CACNA2D1: variants seen among roughly 807,000 people sequenced by gnomAD.
CACNA2D1 encodes calcium voltage-gated channel auxiliary subunit alpha2delta 1.
Under a neutral mutation model 171.5 loss-of-function variants are expected in CACNA2D1, and 53 were observed. That is an observed-to-expected ratio of 0.31 (90% confidence interval 0.25 to 0.39). The LOEUF (loss-of-function observed/expected upper bound fraction) is 0.39. Among genes scored for constraint, CACNA2D1 ranks in the 10% least tolerant of loss-of-function variants. The probability of loss-of-function intolerance (pLI) is 1.00; values close to 1 mark genes in which losing one functional copy is unlikely to be tolerated. For synonymous variants in CACNA2D1, 442 were observed against 443.1 expected (o/e 1.00, Z 0.03); for missense variants, 903 against 1,299.8 (o/e 0.69, Z 4.69).
chr7:82,210,610 A>AG (rs1457209844), intron 3 of CACNA2D1, among the ~76,000 whole-genome samples: 2 of 152,206 alleles, frequency 1.3e-5, no homozygotes, highest in African/African-American at 4.8e-5. Context: ...GGAGACAACC[A>AG]GACTCCTTCA....
chr7:82,297,195 G>A (rs774129253), intron 3 of CACNA2D1, among the ~76,000 whole-genome samples: 6 of 151,904 alleles, frequency 3.9e-5, no homozygotes, highest in African/African-American at 7.3e-5. Flanking sequence ...AGGCTGCAGT[G>A]AGCAAGGTCG....
chr7:82,008,793 A>G (rs73149902), intron 15 of CACNA2D1, among the ~76,000 whole-genome samples: 5,106 of 152,204 alleles, frequency 0.034, 155 homozygotes, highest in Non-Finnish European at 0.048. Flanking sequence ...AATATTTATT[A>G]ATATCAGGGA....
intron 10 of CACNA2D1, among the ~76,000 whole-genome samples, chr7:82,060,177 T>TAA: frequency 1.2e-4 from 2 of 16,056 alleles, no homozygotes; most frequent in African/African-American, 3.4e-4. Flanking sequence ...TATATATATA[T>TAA]AATATATATA....
At chr7:82,426,138 TATAA>T (rs56342398) in intron 1 of CACNA2D1, among the ~76,000 whole-genome samples, 39,505 of 128,760 alleles carry the variant, frequency 0.31, 6,121 homozygotes, top group South Asian at 0.42. Context: ...TTCAAAAATA[TATAA>T]ATAAATAAAT....
At chr7:82,357,142 G>A (rs1265175489) in intron 1 of CACNA2D1, among the ~76,000 whole-genome samples, 2 of 152,026 alleles carry the variant, frequency 1.3e-5, no homozygotes, top group African/African-American at 4.8e-5. Context: ...TTTTCATTAA[G>A]CATGAGAGAA....
chr7:82,407,971 A>ATAAAATATATTC (rs1827232735), intron 1 of CACNA2D1, among the ~76,000 whole-genome samples: 1 of 151,990 alleles, frequency 6.6e-6, no homozygotes, highest in African/African-American at 2.4e-5. Context: ...TTCCATCAGA[A>ATAAAATATATTC]TAAAATATAT....
At chr7:82,126,154 GATT>G (rs1333925119) in intron 5 of CACNA2D1, among the ~76,000 whole-genome samples, 2 of 152,140 alleles carry the variant, frequency 1.3e-5, no homozygotes, top group East Asian at 3.8e-4. Flanking sequence ...AAAGCAGAGA[GATT>G]ATGTGATCTT....
chr7:82,349,468 C>A, intron 2 of CACNA2D1, 100 bp downstream of exon 2: 1 of 958,022 alleles, frequency 1.0e-6, no homozygotes, highest in Non-Finnish European at 1.7e-6. Flanking sequence ...CATGAGAAAT[C>A]ATATCCCATT....
At chr7:82,287,237 A>G (rs1331122948) in intron 3 of CACNA2D1, among the ~76,000 whole-genome samples, 1 of 150,130 alleles carries the variant, frequency 6.7e-6, no homozygotes, top group Non-Finnish European at 1.5e-5. Context: ...AATCTAGCTT[A>G]GACTTTTGGC....
intron 3 of CACNA2D1, among the ~76,000 whole-genome samples, chr7:82,324,832 C>A (rs1037714813): frequency 1.3e-5 from 2 of 152,100 alleles, no homozygotes; most frequent in Non-Finnish European, 2.9e-5. Flanking sequence ...TTTATATCAA[C>A]CTAAACCCCT....
intron 24 of CACNA2D1, among the ~76,000 whole-genome samples, chr7:81,976,697 A>T (rs1356860639): frequency 6.6e-6 from 1 of 152,124 alleles, no homozygotes; most frequent in Admixed American, 6.5e-5. Flanking sequence ...TACTAAAAAT[A>T]CAAAAAATTA....
intron 3 of CACNA2D1, among the ~76,000 whole-genome samples, chr7:82,327,550 A>C (rs1036375341): frequency 1.3e-5 from 2 of 152,230 alleles, no homozygotes; most frequent in African/African-American, 4.8e-5. Context: ...AGTCTGGAAT[A>C]AAAATCAAAT....
At position 82,174,501 on chromosome 7, in the gene CACNA2D1, A is replaced by G. The variant is rs113962625; in HGVS notation, c.295-3892T>C. On this transcript the variant is annotated intron_variant, in intron 3 of 38. Transcript: ENST00000356860. Reference sequence around the variant, plus strand: ...CATTTAAAATAGAAAATCACTATAAAGGTTTTAAGGACTTACAACTATAAC... The same window carrying G: ...CATTTAAAATAGAAAATCACTATAAGGGTTTTAAGGACTTACAACTATAAC... 1.1e-3 allele frequency among the ~76,000 whole-genome samples: 174 copies of G among 152,230 alleles called. No homozygotes were observed. The Middle Eastern group carries it at 0.014, about 12-fold the overall frequency.
chr7:82,156,667 CATA>C (rs1421007290), intron 4 of CACNA2D1, among the ~76,000 whole-genome samples: 4 of 150,326 alleles, frequency 2.7e-5, no homozygotes, highest in Non-Finnish European at 4.4e-5. Context: ...GATCAATGTG[CATA>C]ATATCAAGTA....
intron 4 of CACNA2D1, among the ~76,000 whole-genome samples, chr7:82,142,809 C>G (rs1321499661): frequency 6.6e-6 from 1 of 152,116 alleles, no homozygotes; most frequent in Non-Finnish European, 1.5e-5. Flanking sequence ...TGTAGATACT[C>G]TTCATTAAAA....
intron 10 of CACNA2D1, among the ~76,000 whole-genome samples, chr7:82,042,054 A>G (rs1327795160): frequency 6.6e-6 from 1 of 152,218 alleles, no homozygotes; most frequent in East Asian, 1.9e-4. Context: ...TTCATTAAAT[A>G]TATATTCAGT....
At chr7:82,011,431 A>AT (rs1421340717) in intron 15 of CACNA2D1, among the ~76,000 whole-genome samples, 2 of 152,070 alleles carry the variant, frequency 1.3e-5, no homozygotes, top group African/African-American at 2.4e-5. Context: ...AAAAATGCAG[A>AT]TTTTTTCCAA....
intron 6 of CACNA2D1, among the ~76,000 whole-genome samples, chr7:82,093,515 C>T (rs258654): frequency 0.81 from 123,121 of 152,050 alleles, 49,964 homozygotes; most frequent in Middle Eastern, 0.89. Flanking sequence ...TGTCCAACAA[C>T]ACTACTTAAT....
intron 3 of CACNA2D1, among the ~76,000 whole-genome samples, chr7:82,219,063 G>T (rs1032805219): frequency 3.9e-5 from 6 of 152,064 alleles, no homozygotes; most frequent in Admixed American, 1.3e-4. Context: ...TCAAAAAGAT[G>T]TTATTAAAAT....
Sources: gnomAD v4.1 joint callset for allele counts (sites outside exome capture counted in the v4.1 genomes callset) on GRCh38, gnomAD v4.1.1 for gene constraint, MANE v1.5 for transcripts, NCBI Gene and HGNC (gene_info 2026-07-23, HGNC 2026-07-21) for gene names.